The following COL11A1 variants were observed in gnomAD, a reference collection of about 807,000 sequenced individuals.
COL11A1 encodes the protein collagen alpha-1(XI) chain.
In COL11A1, 74 loss-of-function variants were observed where a neutral mutation model predicts 265.2. The ratio of observed to expected loss-of-function variants is 0.28; its 90% confidence interval spans 0.23 to 0.34. The LOEUF is 0.34. Among genes scored for constraint, COL11A1 ranks in the 10% least tolerant of loss-of-function variants. The pLI, the probability that COL11A1 is intolerant of heterozygous loss-of-function variation, is 1.00. For synonymous variants in COL11A1, 816 were observed against 727.6 expected, an observed-to-expected ratio of 1.12 and a Z score of -1.96; for missense variants, 2,165 against 2,263.6, an observed-to-expected ratio of 0.96 and a Z score of 0.88.
intron 22 of COL11A1, 44 bp from the exon 23 acceptor site, chr1:103,002,525 A>G (rs549138501): frequency 1.5e-5 from 23 of 1,507,998 alleles, no homozygotes; most frequent in Non-Finnish European, 2.1e-5. Context: ...GCTATATTAC[A>G]CAATAGATTT....
intron 28 of COL11A1, among the ~76,000 whole-genome samples, chr1:102,994,772 A>G (rs531747421): frequency 1.5e-3 from 229 of 152,242 alleles, no homozygotes; most frequent in Non-Finnish European, 2.3e-3. Flanking sequence ...TTCTGAGTGT[A>G]TTAGTCCGCT....
At chr1:103,074,496 G>T in intron 4 of COL11A1, 122 bp downstream of exon 4, 2 of 1,056,130 alleles carry the variant, frequency 1.9e-6, no homozygotes, top group Non-Finnish European at 2.8e-6. Flanking sequence ...AAGAAACTAG[G>T]TCACCCTTTA....
At chr1:103,082,200 T>A (rs982853883) in intron 2 of COL11A1, among the ~76,000 whole-genome samples, 3 of 151,934 alleles carry the variant, frequency 2.0e-5, no homozygotes, top group African/African-American at 7.2e-5. Context: ...GCTGATATTT[T>A]AAAAAAATCT....
chr1:102,885,246 A>T (rs1390387887), intron 63 of COL11A1, among the ~76,000 whole-genome samples: 1 of 152,098 alleles, frequency 6.6e-6, no homozygotes, highest in Admixed American at 6.6e-5. Flanking sequence ...TACATTTTTA[A>T]TATTTTTCTC....
chr1:102,906,428 G>C (rs1283506748), intron 54 of COL11A1, among the ~76,000 whole-genome samples: 2 of 152,090 alleles, frequency 1.3e-5, no homozygotes, highest in Non-Finnish European at 2.9e-5. Context: ...GTTTTCTTGA[G>C]AGAGGGTCTC....
chr1:103,102,237 A>AC (rs1316638924), intron 1 of COL11A1, among the ~76,000 whole-genome samples: 1 of 152,082 alleles, frequency 6.6e-6, no homozygotes, highest in African/African-American at 2.4e-5. Flanking sequence ...TAAAATGGAA[A>AC]AAAAATACCT....
At chr1:102,993,902 T>A (rs539285393) in intron 28 of COL11A1, among the ~76,000 whole-genome samples, 158 of 152,228 alleles carry the variant, frequency 1.0e-3, no homozygotes, top group African/African-American at 3.4e-3. Flanking sequence ...GTTTATTGAA[T>A]CCATGGATGC....
Position 102,913,651 on chromosome 1 carries a change from C to A in COL11A1, c.4018G>T (p.Asp1340Tyr). The part of the protein sequence containing the change: ...GVGGDKGEDG[D>Y]PGQPGPPGPS... Reference sequence around the variant, plus strand: ...CATTTACTCACCGGTTGACCAGGATCTCCATCTTCACCCTTGTCACCACCA... The same window carrying A: ...CATTTACTCACCGGTTGACCAGGATATCCATCTTCACCCTTGTCACCACCA... The change falls in exon 53 of 67, where the codon GAT becomes TAT. Residue 1340 changes from aspartate to tyrosine, a missense_variant. Physicochemically the swap from Asp to Tyr is radical, Grantham distance 160. Coordinates refer to ENST00000370096, the MANE Select transcript of COL11A1 (RefSeq NM_001854.4). The A allele has an allele frequency of 3.7e-6, 6 of 1,613,496 alleles. No homozygotes were observed. The highest frequency in any genetic ancestry group is 5.1e-6 in the Non-Finnish European group (6 of 1,179,626).
At position 102,995,882 on chromosome 1, in the gene COL11A1, C is replaced by T. The variant is rs140608161; in HGVS notation, c.2322G>A (p.Lys774=). ...ATTTTACCTTTTCACCTTTAGATCC[C>T]TTGAGACCTCTGACACCATCTGCTC... ...VKGADGVRGL[K]GSKGEKGEDG... The change falls in exon 28 of 67, where the codon AAG becomes AAA. Residue 774 remains lysine, a synonymous_variant. Transcript: ENST00000370096. 1.4e-4 allele frequency: 224 copies of T among 1,610,926 alleles called. 2 individuals are homozygous for T. The Middle Eastern group carries it at 5.8e-3, about 42-fold the overall frequency.
intron 57 of COL11A1, among the ~76,000 whole-genome samples, chr1:102,891,430 T>C (rs1380007226): frequency 6.6e-6 from 1 of 151,770 alleles, no homozygotes; most frequent in East Asian, 1.9e-4. Flanking sequence ...TAATTTAACG[T>C]TTTTAATAGT....
chr1:102,930,728 C>G (rs940062278), intron 46 of COL11A1, among the ~76,000 whole-genome samples: 5 of 152,062 alleles, frequency 3.3e-5, no homozygotes, highest in African/African-American at 9.7e-5. Flanking sequence ...GTCCTGCACT[C>G]TTTTTGGTTG....
intron 54 of COL11A1, among the ~76,000 whole-genome samples, chr1:102,901,724 T>C (rs1653229481): frequency 6.6e-6 from 1 of 152,210 alleles, no homozygotes; most frequent in African/African-American, 2.4e-5. Context: ...GTTATTGTTA[T>C]AACAGATTTT....
rs149512960 is a variant in COL11A1, at chr1:103,087,802, T to A, written c.107-4830A>T. 2.7e-3 allele frequency among the ~76,000 whole-genome samples: 418 copies of A among 152,354 alleles called. 1 individual carries two copies. Among genetic ancestry groups the A allele is most frequent in the South Asian group, 0.01 (50 of 4,834 alleles). On this transcript the variant is annotated intron_variant, in intron 1 of 66. Transcript: ENST00000370096. ...TATTATAGCACCTTTCATACTTTTT[T>A]AAAATTATTTGCCTTGTCTTTGCCA...
chr1:102,969,756 C>A lies in COL11A1; in HGVS notation c.2862+463G>T, dbSNP rs181078943. Among the ~76,000 whole-genome samples the A allele has an allele frequency of 1.6e-3, 250 of 152,218 alleles. 1 individual carries two copies. The highest frequency in any genetic ancestry group is 0.01 in the Middle Eastern group (3 of 294). On this transcript the variant is annotated intron_variant, in intron 37 of 66. Coordinates refer to ENST00000370096, the MANE Select transcript of COL11A1 (RefSeq NM_001854.4). Reference sequence around the variant, plus strand: ...GACATAGTTCCCAACCAGTTATAGCCGATGGGTCCAATATCAGCAAGTATT... The same window carrying A: ...GACATAGTTCCCAACCAGTTATAGCAGATGGGTCCAATATCAGCAAGTATT...
At chr1:102,980,640 C>A (rs1355855571) in intron 31 of COL11A1, among the ~76,000 whole-genome samples, 2 of 6,380 alleles carry the variant, frequency 3.1e-4, no homozygotes, top group African/African-American at 3.6e-4. Flanking sequence ...CCTTGTTTGA[C>A]TTGAATACAC....
At chr1:103,043,642 C>A (rs1376297467) in intron 4 of COL11A1, among the ~76,000 whole-genome samples, 1 of 151,932 alleles carries the variant, frequency 6.6e-6, no homozygotes, top group African/African-American at 2.4e-5. Context: ...AAATTCTAAA[C>A]ACAACTAATA....
intron 1 of COL11A1, among the ~76,000 whole-genome samples, chr1:103,093,310 A>G (rs922101193): frequency 6.6e-6 from 1 of 152,136 alleles, no homozygotes; most frequent in Non-Finnish European, 1.5e-5. Context: ...TCAAGATAAC[A>G]GGAGAAGCAC....
intron 2 of COL11A1, among the ~76,000 whole-genome samples, chr1:103,080,059 G>T (rs1278366083): frequency 6.7e-6 from 1 of 149,216 alleles, no homozygotes; most frequent in Non-Finnish European, 1.5e-5. Flanking sequence ...TGCAATGATT[G>T]AAACTGATTA....
intron 42 of COL11A1, among the ~76,000 whole-genome samples, chr1:102,946,514 A>G (rs199902565): frequency 1.3e-5 from 2 of 152,052 alleles, no homozygotes; most frequent in East Asian, 3.9e-4. Context: ...AGGTGTAAAA[A>G]GTTCACACTT....
Sources: gnomAD v4.1 joint callset for allele counts (sites outside exome capture counted in the v4.1 genomes callset) on GRCh38, gnomAD v4.1.1 for gene constraint, MANE v1.5 for transcripts, NCBI Gene and HGNC (gene_info 2026-07-23, HGNC 2026-07-21) for gene names.